Variants in KCNIP1 observed in about 807,000 individuals in gnomAD.
The protein encoded by KCNIP1 is potassium voltage-gated channel interacting protein 1, also known as A-type potassium channel modulatory protein KCNIP1.
KCNIP1 carries 18 observed loss-of-function variants against 33.0 expected under a neutral mutation model. The ratio of observed to expected loss-of-function variants is 0.55; its 90% CI spans 0.38 to 0.81. The LOEUF is 0.81. KCNIP1 is among the 30% of genes least tolerant of loss of function. KCNIP1 has a pLI of 0.00. For synonymous variants in KCNIP1, 93 were observed against 98.3 expected, an observed-to-expected ratio of 0.95 and a Z score of 0.32; for missense variants, 238 against 271.6, an observed-to-expected ratio of 0.88 and a Z score of 0.87.
At chr5:170,699,632 G>A (rs1173751609) in intron 1 of KCNIP1, among the ~76,000 whole-genome samples, 2 of 151,332 alleles carry the variant, frequency 1.3e-5, no homozygotes, top group Non-Finnish European at 1.5e-5. Context: ...TGATACCATA[G>A]GGTCAGTTCT....
chr5:170,457,524 T>G (rs1756411959), intron 1 of KCNIP1, among the ~76,000 whole-genome samples: 1 of 152,124 alleles, frequency 6.6e-6, no homozygotes, highest in Admixed American at 6.6e-5. Context: ...CAGGACTCTG[T>G]ACAGACAACC....
intron 1 of KCNIP1, among the ~76,000 whole-genome samples, chr5:170,457,317 C>T (rs946000175): frequency 6.6e-6 from 1 of 151,456 alleles, no homozygotes; most frequent in Non-Finnish European, 1.5e-5. Flanking sequence ...CTGCAGGGGC[C>T]ACCACCACCA....
chr5:170,551,615 T>C (rs1316572976), intron 1 of KCNIP1, among the ~76,000 whole-genome samples: 2 of 152,006 alleles, frequency 1.3e-5, no homozygotes, highest in Non-Finnish European at 2.9e-5. Context: ...CTTGCCAAGG[T>C]AGCTGTGTGT....
Position 170,641,273 on chromosome 5 carries a change from A to G in KCNIP1, c.62-77485A>G, listed in dbSNP as rs1221914891. ...TGCCTCATCACATTTCTCCCAGGCT[A>G]TTGACTTGTTCAAGGTTAAGGTATG... On this transcript the variant is annotated intron_variant, in intron 1 of 7. Coordinates refer to ENST00000328939, the MANE Select transcript of KCNIP1 (RefSeq NM_014592.4). Among the ~76,000 whole-genome samples, 6 of 152,224 alleles carry G rather than the reference A, an allele frequency of 3.9e-5. No homozygotes were observed. The East Asian group carries it at 9.7e-4, about 25-fold the overall frequency.
At chr5:170,636,397 GT>G (rs1227200766) in intron 1 of KCNIP1, among the ~76,000 whole-genome samples, 1 of 152,166 alleles carries the variant, frequency 6.6e-6, no homozygotes, top group Admixed American at 6.5e-5. Context: ...AGCTCTGAAG[GT>G]CAGTGCTCTA....
At chr5:170,651,578 T>G (rs1280400046) in intron 1 of KCNIP1, among the ~76,000 whole-genome samples, 1 of 152,212 alleles carries the variant, frequency 6.6e-6, no homozygotes, top group Non-Finnish European at 1.5e-5. Context: ...CCTTGCCATC[T>G]ATAATCTTCT....
intron 1 of KCNIP1, among the ~76,000 whole-genome samples, chr5:170,539,695 C>A (rs1581295098): frequency 6.6e-6 from 1 of 152,274 alleles, no homozygotes; most frequent in Non-Finnish European, 1.5e-5. Flanking sequence ...AGAGCAGGGA[C>A]CTGGCCTGCC....
chr5:170,674,909 C>T (rs1217927352), intron 1 of KCNIP1, among the ~76,000 whole-genome samples: 1 of 151,764 alleles, frequency 6.6e-6, no homozygotes, highest in African/African-American at 2.4e-5. Context: ...TAAAGCACAA[C>T]ACCTCTTCCC....
upstream of KCNIP1, among the ~76,000 whole-genome samples, chr5:170,500,820 T>A (rs982592257): frequency 6.6e-6 from 1 of 152,214 alleles, no homozygotes; most frequent in African/African-American, 2.4e-5. Flanking sequence ...CATGTAAATA[T>A]CTGGTACATG....
At chr5:170,610,678 T>C (rs1199171238) in intron 1 of KCNIP1, among the ~76,000 whole-genome samples, 1 of 152,238 alleles carries the variant, frequency 6.6e-6, no homozygotes, top group Admixed American at 6.5e-5. Context: ...ATGACTATTT[T>C]ATGTATTCCA....
intron 1 of KCNIP1, among the ~76,000 whole-genome samples, chr5:170,599,623 TGATG>T (rs1758613759): frequency 2.2e-5 from 3 of 137,678 alleles, no homozygotes; most frequent in Admixed American, 1.4e-4. Context: ...CACGGGAGTG[TGATG>T]GACCTAGGGG....
chr5:170,715,356 G>T (rs1050579114), intron 1 of KCNIP1, among the ~76,000 whole-genome samples: 12 of 152,196 alleles, frequency 7.9e-5, no homozygotes, highest in Non-Finnish European at 1.5e-4. Context: ...AGCGACACAT[G>T]ACTGAATAAG....
intron 1 of KCNIP1, among the ~76,000 whole-genome samples, chr5:170,469,348 T>C (rs567026811): frequency 6.6e-6 from 1 of 152,276 alleles, no homozygotes; most frequent in Admixed American, 6.5e-5. Flanking sequence ...TGAACCATGA[T>C]CACGCCCTGC....
intron 1 of KCNIP1, among the ~76,000 whole-genome samples, chr5:170,692,063 G>T (rs1459199353): frequency 6.6e-6 from 1 of 152,134 alleles, no homozygotes; most frequent in East Asian, 1.9e-4. Flanking sequence ...TTCAAAAATT[G>T]CTTGATATAC....
intron 1 of KCNIP1, among the ~76,000 whole-genome samples, chr5:170,467,531 G>C (rs1408434561): frequency 6.6e-6 from 1 of 152,176 alleles, no homozygotes; most frequent in Non-Finnish European, 1.5e-5. Context: ...GCAGGGAGCA[G>C]AGGGAGGCCC....
At chr5:170,366,750 G>C (rs1474160446) in intron 1 of KCNIP1, among the ~76,000 whole-genome samples, 9 of 152,204 alleles carry the variant, frequency 5.9e-5, no homozygotes, top group African/African-American at 2.2e-4. Flanking sequence ...TGGGGGCACA[G>C]GGATGGAGGG....
At chr5:170,696,038 GC>G (rs1379577008) in intron 1 of KCNIP1, among the ~76,000 whole-genome samples, 1 of 144,958 alleles carries the variant, frequency 6.9e-6, no homozygotes, top group Non-Finnish European at 1.5e-5. Flanking sequence ...AAAAAGCCAG[GC>G]TTTTTCTCAT....
intron 1 of KCNIP1, among the ~76,000 whole-genome samples, chr5:170,480,458 T>A (rs1756952349): frequency 6.6e-6 from 1 of 150,790 alleles, no homozygotes. Flanking sequence ...GTGCGCTTCA[T>A]CTCCTAGGAG....
chr5:170,439,968 T>C (rs1755951450), intron 1 of KCNIP1, among the ~76,000 whole-genome samples: 1 of 152,154 alleles, frequency 6.6e-6, no homozygotes, highest in South Asian at 2.1e-4. Flanking sequence ...TTCCCCAAAC[T>C]CACGTGCTGA....
Sources: gnomAD v4.1 joint callset for allele counts (sites outside exome capture counted in the v4.1 genomes callset) on GRCh38, gnomAD v4.1.1 for gene constraint, MANE v1.5 for transcripts, NCBI Gene and HGNC (gene_info 2026-07-23, HGNC 2026-07-21) for gene names.